MLLT6: variants seen among roughly 807,000 people sequenced by gnomAD.
MLLT6 encodes MLLT6, PHD finger containing, also known as protein AF-17.
MLLT6 carries 22 observed loss-of-function variants against 103.0 expected under a neutral mutation model. The ratio of observed to expected loss-of-function variants is 0.21; its 90% confidence interval spans 0.15 to 0.31. The LOEUF is 0.31. Among genes scored for constraint, MLLT6 ranks in the 10% least tolerant of loss-of-function variants. The pLI is 1.00. For synonymous variants in MLLT6, 606 were observed against 623.5 expected (o/e 0.97, Z 0.42); for missense variants, 1,199 against 1,441.7 (o/e 0.83, Z 2.73).
intron 8 of MLLT6, 110 bp downstream of exon 8, chr17:38,712,899 CT>C: frequency 2.5e-6 from 2 of 791,332 alleles, no homozygotes; most frequent in Non-Finnish European, 4.5e-6. Flanking sequence ...CTCCCCACAG[CT>C]TCAAGTTAAT....
intron 6 of MLLT6, among the ~76,000 whole-genome samples, chr17:38,711,472 G>A (rs563866504): frequency 3.9e-5 from 6 of 152,202 alleles, no homozygotes; most frequent in East Asian, 1.9e-4. Context: ...TCCCCTGCAC[G>A]CCCTCTGCTC....
At position 38,709,329 on chromosome 17, in the gene MLLT6, T is replaced by TG. The variant is rs1424669349; in HGVS notation, c.458+54dup. 1.6e-5 allele frequency: 23 copies of TG among 1,471,216 alleles called. No homozygotes were observed. In the East Asian group the frequency reaches 4.7e-4, roughly 30 times the overall value. 91.1% of individuals were successfully genotyped at this position (1,471,216 alleles called of 1,614,324 possible). ...CCCCGGGTTTGTCCTGGATGGCCAC[T>TG]GATCAGGCTCATCCTAGCTGCTGTC... On this transcript the variant is annotated intron_variant, in intron 5 of 19. Transcript: ENST00000621332. The surrounding 1 kb of genome is among the most constrained non-coding windows in gnomAD (Gnocchi z 4.3).
Position 38,722,660 on chromosome 17 carries a change from C to G in MLLT6, c.2793-18C>G. Reference sequence around the variant, plus strand: ...GGTCTGTGTGTTGTCCCCCCCCCACCCCCCACCCCCACCTCAGCCTTACAG... The same window carrying G: ...GGTCTGTGTGTTGTCCCCCCCCCACGCCCCACCCCCACCTCAGCCTTACAG... On this transcript the variant is annotated intron_variant, in intron 17 of 19. Transcript: ENST00000621332. 1 of 487,568 alleles carries G rather than the reference C, an allele frequency of 2.1e-6. No individual in the cohort carries two copies. Among genetic ancestry groups the G allele is most frequent in the Non-Finnish European group, 3.9e-6 (1 of 258,100 alleles). The allele number at this position is 487,568 out of a possible 1,614,324, so 30.2% of individuals were successfully genotyped here.
At position 38,722,726 on chromosome 17, in the gene MLLT6, C is replaced by T. The variant is rs775942261; in HGVS notation, c.2841C>T (p.Leu947=). 2.2e-5 allele frequency: 34 copies of T among 1,558,848 alleles called. No homozygotes were observed. Among genetic ancestry groups the T allele is most frequent in the Non-Finnish European group, 2.6e-5 (30 of 1,145,690 alleles). The change falls in exon 18 of 20, where the codon CTC becomes CTT. Residue 947 remains leucine (L), a synonymous_variant. Transcript: ENST00000621332. ...TCCTTCAGCAGCAAGAGCAGCAGCTCCAGCAACTCCAGCAGCTCCTGGCCT... is the reference window on the plus strand; with the variant it reads ...TCCTTCAGCAGCAAGAGCAGCAGCTTCAGCAACTCCAGCAGCTCCTGGCCT... ...RHLLQQQEQQ[L]QQLQQLLASP...
At position 38,705,668 on chromosome 17, in the gene MLLT6, G is replaced by A. The variant is rs1904874743; in HGVS notation, c.36G>A (p.Ser12=). ...TGGTAGGAGGCTGCTGCGTATGTTC[G>A]GACGAGAGGGGCTGGGCCGAGAACC... ...KEMVGGCCVC[S]DERGWAENPL... is the part of the protein sequence containing the mutation. Residue 12 remains serine, a synonymous_variant, in exon 1 of 20, where the codon TCG becomes TCA. Coordinates refer to ENST00000621332, the MANE Select transcript of MLLT6 (RefSeq NM_005937.4). 6.4e-7 allele frequency: 1 copy of A among 1,572,186 alleles called. No homozygotes were observed. The highest frequency in any genetic ancestry group is 1.7e-5 in the Admixed American group (1 of 57,152).
Position 38,720,022 on chromosome 17 carries a change from C to T in MLLT6, c.2155+127C>T, listed in dbSNP as rs1311347591. On this transcript the variant is annotated intron_variant, in intron 14 of 19. Transcript: ENST00000621332. ...CCGCCCCAGCCTTGACTCTCGGCCACCCCGGGCCTCACCTCCCATCCCTGC... is the reference window on the plus strand; with the variant it reads ...CCGCCCCAGCCTTGACTCTCGGCCATCCCGGGCCTCACCTCCCATCCCTGC... The T allele has an allele frequency of 3.8e-6, 5 of 1,304,182 alleles. No homozygotes were observed. The East Asian group carries it at 1.3e-4, about 33-fold the overall frequency. The allele number at this position is 1,304,182 out of a possible 1,614,324, so 80.8% of individuals were successfully genotyped here. A position where few individuals can be genotyped will look rare whatever the true frequency, so the allele number is the denominator to read the frequency against.
chr17:38,717,276 C>A, intron 10 of MLLT6, 156 bp from the exon 11 acceptor site: 2 of 733,402 alleles, frequency 2.7e-6, no homozygotes, highest in Non-Finnish European at 4.5e-6. Flanking sequence ...GTCACCCAGG[C>A]AGGAAGTGAC....
chr17:38,712,037 C>T, intron 7 of MLLT6, 23 bp downstream of exon 7: 2 of 1,529,166 alleles, frequency 1.3e-6, no homozygotes, highest in South Asian at 1.3e-5. Flanking sequence ...CCCCACCTGC[C>T]ATCACTCCCA....
Position 38,705,653 on chromosome 17 carries a change from C to T in MLLT6, c.21C>T (p.Gly7=), listed in dbSNP as rs1304866460. Residue 7 remains glycine (G), a synonymous_variant, in exon 1 of 20, where the codon GGC becomes GGT. Coordinates refer to ENST00000621332, the MANE Select transcript of MLLT6 (RefSeq NM_005937.4). MKEMVG[G]CCVCSDERGW... is the part of the protein sequence containing the mutation. ...GGAGTATGAAGGAGATGGTAGGAGG[C>T]TGCTGCGTATGTTCGGACGAGAGGG... 6.6e-7 allele frequency: 1 copy of T among 1,518,382 alleles called. No homozygotes were observed. Among genetic ancestry groups the T allele is most frequent in the Non-Finnish European group, 8.9e-7 (1 of 1,125,286 alleles). 94.1% of individuals were successfully genotyped at this position (1,518,382 alleles called of 1,614,324 possible).
intron 8 of MLLT6, chr17:38,713,387 A>T (rs767810517): frequency 9.5e-6 from 3 of 316,248 alleles, no homozygotes; most frequent in Non-Finnish European, 1.7e-5. Context: ...GGGAATTGCT[A>T]ATCCAAGCTG....
chr17:38,709,024 C>T lies in MLLT6; in HGVS notation c.355-149C>T. The T allele has an allele frequency of 1.5e-6, 1 of 665,172 alleles. No individual in the cohort carries two copies. Among genetic ancestry groups the T allele is most frequent in the Non-Finnish European group, 2.6e-6 (1 of 380,232 alleles). The allele number at this position is 665,172 out of a possible 1,614,324, so 41.2% of individuals were successfully genotyped here. A position where few individuals can be genotyped will look rare whatever the true frequency, so the allele number is the denominator to read the frequency against. On this transcript the variant is annotated intron_variant, in intron 4 of 19. Transcript: ENST00000621332. This position sits in a 1 kb window ranked among gnomAD's most constrained non-coding sequence, Gnocchi z 4.3. ...GGCATTTGTCTTGGACGGCGCAGAC[C>T]ATAGAGCGTTTTCATCACTGCAGAC...
At chr17:38,720,010 GACTCTC>G in intron 14 of MLLT6, 115 bp downstream of exon 14, 1 of 1,380,962 alleles carries the variant, frequency 7.2e-7, no homozygotes, top group Non-Finnish European at 9.6e-7. Flanking sequence ...CCCCAGCCTT[GACTCTC>G]GGCCACCCCG....
intron 8 of MLLT6, chr17:38,714,626 C>T (rs1905252275): frequency 6.6e-6 from 1 of 152,224 alleles, no homozygotes; most frequent in Non-Finnish European, 1.5e-5. Flanking sequence ...GTAATCCCAG[C>T]TACTTGGGAG....
At chr17:38,707,920 G>A (rs1197971599) in intron 4 of MLLT6, 48 bp downstream of exon 4, 10 of 1,180,690 alleles carry the variant, frequency 8.5e-6, no homozygotes, top group Non-Finnish European at 1.3e-5. Context: ...CCCATCTATG[G>A]GTTCCTCCAA....
Position 38,717,878 on chromosome 17 carries a change from C to T in MLLT6, c.1867C>T (p.Pro623Ser). 1 of 1,614,058 alleles carries T rather than the reference C, an allele frequency of 6.2e-7. No homozygotes were observed. Among genetic ancestry groups the T allele is most frequent in the Non-Finnish European group, 8.5e-7 (1 of 1,179,924 alleles). ...FSLAGSTFSL[P>S]STHIFGTPMG... ...TCTGGCTGGCTCTACCTTTAGCCTC[C>T]CTTCTACCCACATCTTTGGAACCCC... is the stretch of plus-strand genomic sequence containing the variant. Residue 623 changes from proline to serine, a missense_variant, in exon 12 of 20, where the codon CCT becomes TCT. This residue lies in a region of MLLT6 where 1,034 missense variants were observed against 1,091.5 expected (regional missense o/e 0.95). Transcript: ENST00000621332.
intron 11 of MLLT6, 21 bp from the exon 12 acceptor site, chr17:38,717,824 G>C: frequency 1.3e-6 from 2 of 1,577,236 alleles, no homozygotes; most frequent in Non-Finnish European, 1.7e-6. Flanking sequence ...ACCGCCAGGG[G>C]ATTCTACCTC....
rs1319765006 is a variant in MLLT6 at position 38,719,824 on chromosome 17, C to T, written c.2084C>T (p.Pro695Leu). 7 of 1,612,938 alleles carry T rather than the reference C, an allele frequency of 4.3e-6. No individual in the cohort carries two copies. Among genetic ancestry groups the T allele is most frequent in the Admixed American group, 1.7e-5 (1 of 59,924 alleles). The part of the protein sequence containing the change: ...SAPCGGGQLD[P>L]AAPGTTNMEQ... Reference sequence around the variant, plus strand: ...CCCTGTGGGGGCGGCCAGTTAGACCCGGCGGCCCCAGGGACGACTAACATG... The same window carrying T: ...CCCTGTGGGGGCGGCCAGTTAGACCTGGCGGCCCCAGGGACGACTAACATG... The change falls in exon 14 of 20, where the codon CCG becomes CTG. Residue 695 changes from proline to leucine, a missense_variant. Transcript: ENST00000621332.
intron 1 of MLLT6, 33 bp from the exon 2 acceptor site, chr17:38,706,917 G>T (rs762266544): frequency 1.3e-6 from 2 of 1,580,970 alleles, no homozygotes; most frequent in Admixed American, 3.4e-5. Context: ...CTGGCTGACA[G>T]CTTTGCTCAG....
chr17:38,709,700 T>G lies in MLLT6; in HGVS notation c.552+125T>G. 1.4e-6 allele frequency: 1 copy of G among 707,822 alleles called. No homozygotes were observed. The highest frequency in any genetic ancestry group is 2.5e-6 in the Non-Finnish European group (1 of 399,044). 43.8% of individuals were successfully genotyped at this position (707,822 alleles called of 1,614,324 possible). A position where few individuals can be genotyped will look rare whatever the true frequency, so the allele number is the denominator to read the frequency against. On this transcript the variant is annotated intron_variant, in intron 6 of 19. Transcript: ENST00000621332. The surrounding 1 kb of genome is among the most constrained non-coding windows in gnomAD (Gnocchi z 4.3). ...ACAGAGAGGGAAAAAACCCAGTCCC[T>G]GCCCAAGAGGAGCTCTTCATTCGAT... is the stretch of plus-strand genomic sequence containing the variant.
Sources: gnomAD v4.1 joint callset for allele counts (sites outside exome capture counted in the v4.1 genomes callset) on GRCh38, gnomAD v4.1.1 for gene constraint, gnomAD v4.1.1 regional missense constraint, Gnocchi (gnomAD v3.1) non-coding constraint, MANE v1.5 for transcripts, NCBI Gene and HGNC (gene_info 2026-07-23, HGNC 2026-07-21) for gene names.